Variants in CRPPA observed in about 807,000 individuals in gnomAD.
CRPPA encodes the protein CDP-L-ribitol pyrophosphorylase A, also known as D-ribitol-5-phosphate cytidylyltransferase.
Under a neutral mutation model 52.0 loss-of-function variants are expected in CRPPA, and 43 were observed. That is an observed-to-expected ratio of 0.83 (90% CI 0.65 to 1.07). The LOEUF (loss-of-function observed/expected upper bound fraction) is 1.07, where lower values mean the gene tolerates loss of function less well. Ranked by LOEUF, CRPPA falls within the 50% of genes least tolerant of loss-of-function variation. The probability of loss-of-function intolerance (pLI) is 0.00; values close to 1 mark genes in which losing one functional copy is unlikely to be tolerated. For synonymous variants in CRPPA, 250 were observed against 203.5 expected (o/e 1.23, Z -1.94); for missense variants, 629 against 551.7 (o/e 1.14, Z -1.40).
chr7:16,414,694 C>T (rs536376865), intron 1 of CRPPA, among the ~76,000 whole-genome samples: 5 of 152,198 alleles, frequency 3.3e-5, no homozygotes, highest in South Asian at 2.1e-4. Flanking sequence ...TAGTAAAAGG[C>T]GAAAACTAAG....
intron 9 of CRPPA, among the ~76,000 whole-genome samples, chr7:16,118,102 A>G (rs1181701336): frequency 6.6e-6 from 1 of 152,216 alleles, no homozygotes; most frequent in Non-Finnish European, 1.5e-5. Context: ...CTTAGAATGT[A>G]TCCATTCATT....
intron 9 of CRPPA, among the ~76,000 whole-genome samples, chr7:16,183,948 T>C (rs1781458244): frequency 6.6e-6 from 1 of 152,080 alleles, no homozygotes; most frequent in African/African-American, 2.4e-5. Context: ...GGTAGTTTTT[T>C]TGTTTGTTTT....
chr7:16,091,848 T>C (rs1226857991), intron 9 of CRPPA, 49 bp from the exon 10 acceptor site: 5 of 1,127,414 alleles, frequency 4.4e-6, no homozygotes, highest in South Asian at 1.7e-5. Context: ...ACATATGCCA[T>C]GTGTTAAGTT....
intron 3 of CRPPA, among the ~76,000 whole-genome samples, chr7:16,315,051 T>A (rs1268171822): frequency 1.3e-5 from 2 of 152,130 alleles, no homozygotes; most frequent in African/African-American, 4.8e-5. Flanking sequence ...GATATTCTGT[T>A]ATTTCCTCCA....
At chr7:16,376,910 T>G (rs1241424054) in intron 2 of CRPPA, among the ~76,000 whole-genome samples, 1 of 152,198 alleles carries the variant, frequency 6.6e-6, no homozygotes, top group Non-Finnish European at 1.5e-5. Context: ...GGAGTCCCAT[T>G]GTAAGACAGT....
At chr7:16,211,505 C>G (rs1282719640) in intron 9 of CRPPA, among the ~76,000 whole-genome samples, 2 of 152,088 alleles carry the variant, frequency 1.3e-5, no homozygotes, top group Non-Finnish European at 2.9e-5. Context: ...GTAAATAATT[C>G]CCATTTAAAT....
At chr7:16,247,061 G>A (rs1207467514) in intron 8 of CRPPA, among the ~76,000 whole-genome samples, 1 of 152,228 alleles carries the variant, frequency 6.6e-6, no homozygotes, top group Non-Finnish European at 1.5e-5. Context: ...GCATTGCTAT[G>A]TTCATCAATT....
At chr7:16,308,030 A>C (rs1784951396) in intron 4 of CRPPA, among the ~76,000 whole-genome samples, 2 of 151,632 alleles carry the variant, frequency 1.3e-5, no homozygotes, top group African/African-American at 4.8e-5. Flanking sequence ...AGGTGACTGG[A>C]TCGTGGGGGC....
intron 9 of CRPPA, among the ~76,000 whole-genome samples, chr7:16,131,751 T>C (rs73056339): frequency 0.28 from 42,663 of 152,044 alleles, 7,668 homozygotes; most frequent in Admixed American, 0.39. Flanking sequence ...CAGCTAATTT[T>C]TGTAGTTTTT....
chr7:16,263,383 A>G (rs1379996680), intron 6 of CRPPA, among the ~76,000 whole-genome samples: 1 of 152,194 alleles, frequency 6.6e-6, no homozygotes, highest in Non-Finnish European at 1.5e-5. Context: ...TATTGACTTC[A>G]ATATCTACTT....
intron 1 of CRPPA, among the ~76,000 whole-genome samples, chr7:16,416,797 C>T (rs1411919498): frequency 6.6e-6 from 1 of 152,134 alleles, no homozygotes; most frequent in East Asian, 1.9e-4. Flanking sequence ...AGCTGAAATC[C>T]TGCCACTGCA....
At chr7:16,249,720 C>T (rs1262202499) in intron 8 of CRPPA, among the ~76,000 whole-genome samples, 5 of 152,106 alleles carry the variant, frequency 3.3e-5, no homozygotes, top group African/African-American at 9.7e-5. Context: ...AAACCCCATC[C>T]GGAGGTCACC....
At chr7:16,398,546 G>C (rs1407672565) in intron 2 of CRPPA, among the ~76,000 whole-genome samples, 1 of 152,114 alleles carries the variant, frequency 6.6e-6, no homozygotes, top group Non-Finnish European at 1.5e-5. Context: ...ATCGACATAA[G>C]TGACACGTGA....
chr7:16,292,751 A>G (rs1326729856), intron 5 of CRPPA, among the ~76,000 whole-genome samples: 1 of 152,004 alleles, frequency 6.6e-6, no homozygotes, highest in Non-Finnish European at 1.5e-5. Context: ...TAAATGTTCA[A>G]TTCCAGTGTT....
At chr7:16,219,206 G>A (rs1232813177) in intron 8 of CRPPA, among the ~76,000 whole-genome samples, 1 of 151,602 alleles carries the variant, frequency 6.6e-6, no homozygotes, top group Non-Finnish European at 1.5e-5. Context: ...GATACATAAC[G>A]AAATGAAGGC....
At chr7:16,174,547 T>C (rs141530474) in intron 9 of CRPPA, among the ~76,000 whole-genome samples, 59 of 152,272 alleles carry the variant, frequency 3.9e-4, no homozygotes, top group African/African-American at 1.3e-3. Context: ...TACAAATTAA[T>C]AGTCGCTGGT....
chr7:16,158,660 A>C (rs1783237880), intron 9 of CRPPA, among the ~76,000 whole-genome samples: 1 of 152,156 alleles, frequency 6.6e-6, no homozygotes, highest in Non-Finnish European at 1.5e-5. Context: ...ACAACCCAAA[A>C]TTTTACTTTT....
chr7:16,169,366 A>C (rs1403277484), intron 9 of CRPPA, among the ~76,000 whole-genome samples: 2 of 152,246 alleles, frequency 1.3e-5, no homozygotes, highest in Non-Finnish European at 2.9e-5. Context: ...CTCCAGCTAT[A>C]CATTTGTTTA....
chr7:16,286,097 A>AAAATATATATATATATATATAT lies in CRPPA; in HGVS notation c.836-7872_836-7871insATATATATATATATATATATTT. On this transcript the variant is annotated intron_variant, in intron 5 of 9. Transcript: ENST00000407010. ...TATATATATAATATTTAAAAAAAAAAATATATATATATATATATATGCCAA... is the reference window on the plus strand; with the variant it reads ...TATATATATAATATTTAAAAAAAAAAAAATATATATATATATATATATATATATATATATATATATATGCCAA... Among the ~76,000 whole-genome samples, 5 of 39,118 alleles carry AAAATATATATATATATATATAT rather than the reference A, an allele frequency of 1.3e-4. 1 individual carries two copies. Among genetic ancestry groups the AAAATATATATATATATATATAT allele is most frequent in the African/African-American group, 7.3e-4 (4 of 5,450 alleles). 25.7% of individuals were successfully genotyped at this position (39,118 alleles called of 152,430 possible).
Sources: allele counts gnomAD v4.1 joint callset (sites outside exome capture counted in the v4.1 genomes callset), GRCh38; gene constraint gnomAD v4.1.1; transcripts MANE v1.5; gene names NCBI Gene and HGNC (gene_info 2026-07-23, HGNC 2026-07-21).